Variants in ARMC9 observed in about 807,000 individuals in gnomAD.
ARMC9 encodes the protein armadillo repeat containing 9.
Under a neutral mutation model 107.0 loss-of-function variants are expected in ARMC9, and 94 were observed. That is an observed-to-expected ratio of 0.88 (90% CI 0.74 to 1.04). The LOEUF (loss-of-function observed/expected upper bound fraction) is 1.04. ARMC9 is among the 50% of genes least tolerant of loss of function. ARMC9 has a pLI of 0.00. For missense variants in ARMC9, 942 were observed against 1,030.1 expected (o/e 0.91, Z 1.17); for synonymous variants, 380 against 396.9 (o/e 0.96, Z 0.51).
intron 19 of ARMC9, among the ~76,000 whole-genome samples, chr2:231,320,787 T>C (rs944499731): frequency 9.9e-5 from 15 of 152,168 alleles, no homozygotes; most frequent in Admixed American, 9.8e-4. Flanking sequence ...ATCCTTGTCT[T>C]GTATCATGTG....
intron 23 of ARMC9, among the ~76,000 whole-genome samples, chr2:231,361,469 A>G (rs2045577846): frequency 6.6e-6 from 1 of 151,686 alleles, no homozygotes; most frequent in South Asian, 2.1e-4. Context: ...CTAAAAAAAA[A>G]AAAAGAAAAG....
intron 7 of ARMC9, among the ~76,000 whole-genome samples, chr2:231,229,962 T>C (rs1025248810): frequency 2.0e-5 from 3 of 152,324 alleles, no homozygotes; most frequent in Middle Eastern, 3.4e-3. Flanking sequence ...ATCACTGTTA[T>C]GTCAGTAATT....
chr2:231,361,235 G>A (rs67833823), intron 23 of ARMC9, among the ~76,000 whole-genome samples: 18,195 of 152,144 alleles, frequency 0.12, 1,355 homozygotes, highest in Middle Eastern at 0.19. Context: ...GAGGAAGTGG[G>A]CTGTAGGGCA....
At chr2:231,367,710 C>T (rs543029061) in intron 23 of ARMC9, among the ~76,000 whole-genome samples, 22 of 152,076 alleles carry the variant, frequency 1.4e-4, no homozygotes, top group Non-Finnish European at 1.9e-4. Flanking sequence ...TGGCCGGGCG[C>T]GGTGGCTCAT....
At chr2:231,368,896 TA>T (rs1193530824) in intron 23 of ARMC9, among the ~76,000 whole-genome samples, 1 of 152,224 alleles carries the variant, frequency 6.6e-6, no homozygotes, top group Non-Finnish European at 1.5e-5. Flanking sequence ...GTGCTGGGAT[TA>T]CAGGCATGAG....
intron 1 of ARMC9, among the ~76,000 whole-genome samples, chr2:231,204,697 G>A (rs879498362): frequency 1.3e-5 from 2 of 151,978 alleles, no homozygotes; most frequent in Non-Finnish European, 2.9e-5. Flanking sequence ...TCTTAGAAAG[G>A]GTGGTCAGGG....
At chr2:231,345,118 T>A (rs1411491177) in intron 21 of ARMC9, 28 bp downstream of exon 21, 1 of 1,607,724 alleles carries the variant, frequency 6.2e-7, no homozygotes, top group Non-Finnish European at 8.5e-7. Context: ...GAAGCGGGAA[T>A]TGACTTTCTT....
chr2:231,365,206 A>T (rs1409364429), intron 23 of ARMC9, among the ~76,000 whole-genome samples: 1 of 152,202 alleles, frequency 6.6e-6, no homozygotes. Context: ...ACATAGGGGA[A>T]GTCACGTGCC....
chr2:231,321,414 A>G (rs2042989346), intron 19 of ARMC9, among the ~76,000 whole-genome samples: 1 of 152,252 alleles, frequency 6.6e-6, no homozygotes, highest in Non-Finnish European at 1.5e-5. Context: ...CACTTTGGGT[A>G]GCAGCAGCCT....
At chr2:231,281,837 G>T (rs2040239347) in intron 16 of ARMC9, among the ~76,000 whole-genome samples, 2 of 152,182 alleles carry the variant, frequency 1.3e-5, no homozygotes, top group Non-Finnish European at 2.9e-5. Flanking sequence ...CTTTGGGAGG[G>T]AGTGACGAAT....
intron 8 of ARMC9, among the ~76,000 whole-genome samples, chr2:231,235,983 T>A: frequency 6.6e-6 from 1 of 152,182 alleles, no homozygotes; most frequent in East Asian, 1.9e-4. Flanking sequence ...GACGGGGTCT[T>A]GCTTTGTTGC....
intron 19 of ARMC9, among the ~76,000 whole-genome samples, chr2:231,318,395 C>T (rs765064051): frequency 6.6e-6 from 1 of 152,194 alleles, no homozygotes; most frequent in Non-Finnish European, 1.5e-5. Context: ...AAATTATCTG[C>T]AAGTTTTCCC....
intron 5 of ARMC9, 89 bp downstream of exon 5, chr2:231,216,882 TA>T (rs1404922432): frequency 7.1e-7 from 1 of 1,405,648 alleles, no homozygotes; most frequent in Non-Finnish European, 9.6e-7. Flanking sequence ...AATGATGCTT[TA>T]AAAAAACTAA....
chr2:231,285,127 G>C (rs887405040), intron 17 of ARMC9, among the ~76,000 whole-genome samples: 4 of 152,088 alleles, frequency 2.6e-5, no homozygotes, highest in African/African-American at 9.7e-5. Flanking sequence ...GAACCCAGGA[G>C]GCAGAGGTTG....
At chr2:231,268,993 A>G (rs888296613) in intron 12 of ARMC9, among the ~76,000 whole-genome samples, 1 of 151,988 alleles carries the variant, frequency 6.6e-6, no homozygotes, top group Admixed American at 6.6e-5. Context: ...GCTTGAGCCC[A>G]AGAGGTTGAG....
At chr2:231,239,830 A>G in intron 8 of ARMC9, 113 bp from the exon 9 acceptor site, 1 of 841,274 alleles carries the variant, frequency 1.2e-6, no homozygotes, top group Non-Finnish European at 2.0e-6. Flanking sequence ...ATACCTCATC[A>G]TCATGCCTTA....
At chr2:231,343,132 C>T (rs931243179) in intron 20 of ARMC9, among the ~76,000 whole-genome samples, 3 of 151,818 alleles carry the variant, frequency 2.0e-5, no homozygotes, top group Admixed American at 1.3e-4. Context: ...AGGCTGGTCT[C>T]GAACTCCCAA....
Position 231,296,003 on chromosome 2 carries a change from T to A in ARMC9, c.1718-195T>A, listed in dbSNP as rs2041338287. Reference sequence around the variant, plus strand: ...CATGTTCTGGTAAAAATGGAGAGATTTACTATTTAAAATTGCTTAGGATGA... The same window carrying A: ...CATGTTCTGGTAAAAATGGAGAGATATACTATTTAAAATTGCTTAGGATGA... On this transcript the variant is annotated intron_variant, in intron 18 of 24. Transcript: ENST00000611582. 1.2e-5 allele frequency: 5 copies of A among 403,146 alleles called. No individual in the cohort carries two copies. The East Asian group carries it at 1.8e-4, about 15-fold the overall frequency. The allele number at this position is 403,146 out of a possible 1,614,324, so 25.0% of individuals were successfully genotyped here. A position where few individuals can be genotyped will look rare whatever the true frequency, so the allele number is the denominator to read the frequency against.
At chr2:231,217,517 C>A (rs1473852986) in intron 5 of ARMC9, among the ~76,000 whole-genome samples, 1 of 151,068 alleles carries the variant, frequency 6.6e-6, no homozygotes, top group African/African-American at 2.4e-5. Context: ...TTGCAGTGAA[C>A]CAGGAGTGCC....
Sources: gnomAD v4.1 joint callset for allele counts (sites outside exome capture counted in the v4.1 genomes callset) on GRCh38, gnomAD v4.1.1 for gene constraint, MANE v1.5 for transcripts, NCBI Gene and HGNC (gene_info 2026-07-23, HGNC 2026-07-21) for gene names.